Variants in SLC45A4 observed in about 807,000 individuals in gnomAD.
The protein encoded by SLC45A4 is solute carrier family 45 member 4.
Under a neutral mutation model 63.7 loss-of-function variants are expected in SLC45A4, and 32 were observed. The observed-to-expected ratio is 0.50, with a 90% CI of 0.38 to 0.67. The LOEUF is 0.67. Ranked by LOEUF, SLC45A4 falls within the 30% of genes least tolerant of loss-of-function variation. The pLI is 0.00. For missense variants in SLC45A4, 1,027 were observed against 1,157.7 expected (o/e 0.89, Z 1.64); for synonymous variants, 535 against 510.0 (o/e 1.05, Z -0.66).
intron 1 of SLC45A4, among the ~76,000 whole-genome samples, chr8:141,286,740 CCCCCCGCT>C (rs892347393): frequency 1.4e-5 from 2 of 138,420 alleles, no homozygotes; most frequent in African/African-American, 2.6e-5. Context: ...GCCCCCCCGC[CCCCCCGCT>C]CCCCACCACC....
intron 2 of SLC45A4, among the ~76,000 whole-genome samples, chr8:141,243,815 C>A (rs1244023758): frequency 2.0e-5 from 3 of 152,066 alleles, no homozygotes; most frequent in Non-Finnish European, 2.9e-5. Context: ...CGGTCCACTT[C>A]CACATAATGA....
At position 141,271,687 on chromosome 8, in the gene SLC45A4, A is replaced by T. The variant is rs116935773; in HGVS notation, c.-400-17058T>A. ...CCCAAACAACTGGCAGGGGAGAGCC[A>T]CTCTCACAGATATGATCATATGTCA... On this transcript the variant is annotated intron_variant, in intron 1 of 8. Coordinates refer to ENST00000517878, the MANE Select transcript of SLC45A4 (RefSeq NM_001286646.2). Among the ~76,000 whole-genome samples the T allele has an allele frequency of 4.3e-3, 653 of 152,210 alleles. 3 individuals carry two copies. Among genetic ancestry groups the T allele is most frequent in the Non-Finnish European group, 5.9e-3 (403 of 68,012 alleles).
chr8:141,238,037 A>C (rs1344868375), intron 2 of SLC45A4, among the ~76,000 whole-genome samples: 1 of 152,226 alleles, frequency 6.6e-6, no homozygotes, highest in Non-Finnish European at 1.5e-5. Flanking sequence ...ATTTTGGTCA[A>C]GATCTCCTGA....
intron 1 of SLC45A4, among the ~76,000 whole-genome samples, chr8:141,269,206 G>A (rs999829092): frequency 6.6e-6 from 1 of 152,246 alleles, no homozygotes; most frequent in African/African-American, 2.4e-5. Flanking sequence ...ACCCTCAAGA[G>A]TGTCCCAGTT....
At chr8:141,291,526 A>G (rs909534408) in intron 1 of SLC45A4, among the ~76,000 whole-genome samples, 7 of 152,264 alleles carry the variant, frequency 4.6e-5, no homozygotes, top group African/African-American at 1.2e-4. Context: ...AGGAAAAGCT[A>G]TAAGTAACAG....
intron 2 of SLC45A4, among the ~76,000 whole-genome samples, chr8:141,240,524 G>A (rs888442247): frequency 6.6e-6 from 1 of 152,192 alleles, no homozygotes; most frequent in African/African-American, 2.4e-5. Flanking sequence ...CTTTGGAAAG[G>A]TCGGCTCCCA....
chr8:141,254,584 A>G lies in SLC45A4; in HGVS notation c.-355T>C, dbSNP rs1263504218. The stretch of plus-strand genomic sequence containing the variant: ...TGCTACAGAGAGGTGGGAAGGTGAT[A>G]CAAACAGGTGGTCCGCTGGTAATCC... On this transcript the variant is annotated 5_prime_UTR_variant, in exon 2 of 9. Coordinates refer to ENST00000517878, the MANE Select transcript of SLC45A4 (RefSeq NM_001286646.2). This position sits in a 1 kb window ranked among gnomAD's most constrained non-coding sequence, Gnocchi z 4.5. 3 of 702,474 alleles carry G rather than the reference A, an allele frequency of 4.3e-6. No homozygotes were observed. Among genetic ancestry groups the G allele is most frequent in the Non-Finnish European group, 7.8e-6 (3 of 384,900 alleles). 43.5% of individuals were successfully genotyped at this position (702,474 alleles called of 1,614,324 possible).
intron 1 of SLC45A4, among the ~76,000 whole-genome samples, chr8:141,303,759 G>C (rs774910530): frequency 3.9e-5 from 6 of 152,206 alleles, no homozygotes; most frequent in Non-Finnish European, 8.8e-5. Context: ...CTGGGCCAGA[G>C]TTCAGGAATG....
At chr8:141,228,131 T>A (rs765435513) in intron 2 of SLC45A4, 9 of 1,611,928 alleles carry the variant, frequency 5.6e-6, no homozygotes, top group East Asian at 2.2e-5. Flanking sequence ...AAGCTTTAGA[T>A]GGAGTGATCT....
chr8:141,230,764 TC>T (rs1827302289), intron 2 of SLC45A4, among the ~76,000 whole-genome samples: 1 of 152,230 alleles, frequency 6.6e-6, no homozygotes, highest in South Asian at 2.1e-4. Context: ...GCTGACACTG[TC>T]CATTTTCTGA....
intron 1 of SLC45A4, among the ~76,000 whole-genome samples, chr8:141,284,870 C>A (rs1459029858): frequency 6.6e-6 from 1 of 152,136 alleles, no homozygotes; most frequent in Non-Finnish European, 1.5e-5. Context: ...GCTGCCCGTG[C>A]CCCCTGCCCC....
intron 2 of SLC45A4, among the ~76,000 whole-genome samples, chr8:141,253,491 C>A (rs574630995): frequency 6.6e-6 from 1 of 152,358 alleles, no homozygotes; most frequent in Admixed American, 6.5e-5. Context: ...GTATCTCCCA[C>A]AGCCAGGCAC....
intron 1 of SLC45A4, among the ~76,000 whole-genome samples, chr8:141,262,169 G>C (rs1325068317): frequency 6.6e-6 from 1 of 151,314 alleles, no homozygotes; most frequent in Non-Finnish European, 1.5e-5. Flanking sequence ...GCCATATGTA[G>C]AAAGCTGAAA....
At chr8:141,266,707 A>G (rs1829282229) in intron 1 of SLC45A4, among the ~76,000 whole-genome samples, 1 of 152,224 alleles carries the variant, frequency 6.6e-6, no homozygotes, top group Non-Finnish European at 1.5e-5. Flanking sequence ...AGAGTCCTTA[A>G]AACTCAACGA....
intron 2 of SLC45A4, among the ~76,000 whole-genome samples, chr8:141,243,988 A>AG (rs1304002642): frequency 6.6e-6 from 1 of 152,092 alleles, no homozygotes; most frequent in Admixed American, 6.5e-5. Flanking sequence ...GTCAGGTTTT[A>AG]GGGGGAGTCA....
Position 141,250,989 on chromosome 8 carries a change from C to T in SLC45A4, c.241+3000G>A, listed in dbSNP as rs148548073. On this transcript the variant is annotated intron_variant, in intron 2 of 8. Transcript: ENST00000517878. ...TTAGGGTTTTCAAAGCCACAATACACATCATCTGCCATAGAGAAAATTAGG... is the reference window on the plus strand; with the variant it reads ...TTAGGGTTTTCAAAGCCACAATACATATCATCTGCCATAGAGAAAATTAGG... Among the ~76,000 whole-genome samples, 753 of 152,244 alleles carry T rather than the reference C, an allele frequency of 4.9e-3. 4 individuals are homozygous for T. Among genetic ancestry groups the T allele is most frequent in the African/African-American group, 0.017 (726 of 41,548 alleles).
intron 2 of SLC45A4, chr8:141,228,178 C>T (rs756164739): frequency 3.1e-5 from 50 of 1,613,900 alleles, no homozygotes; most frequent in Non-Finnish European, 3.6e-5. Flanking sequence ...AGCATTCTAA[C>T]CTTTCTGAAG....
chr8:141,216,013 T>A, intron 6 of SLC45A4, 43 bp from the exon 7 acceptor site: 1 of 1,570,784 alleles, frequency 6.4e-7, no homozygotes, highest in South Asian at 1.1e-5. Flanking sequence ...GGCAGGCGGC[T>A]GGCTCCTGTC....
chr8:141,269,464 CTGTGTGTGTGTGTGTG>C (rs10573168), intron 1 of SLC45A4, among the ~76,000 whole-genome samples: 1 of 147,188 alleles, frequency 6.8e-6, no homozygotes, highest in Admixed American at 6.7e-5. Flanking sequence ...GCCTATGTGT[CTGTGTGTGTGTGTGTG>C]TGTGTGTGTG....
Sources: allele counts gnomAD v4.1 joint callset (sites outside exome capture counted in the v4.1 genomes callset), GRCh38; gene constraint gnomAD v4.1.1; non-coding constraint Gnocchi (gnomAD v3.1); transcripts MANE v1.5; gene names NCBI Gene and HGNC (gene_info 2026-07-23, HGNC 2026-07-21).